Variants in CDH12 observed in about 807,000 individuals in gnomAD.
The protein encoded by CDH12 is cadherin 12.
CDH12 carries 41 observed loss-of-function variants against 74.1 expected under a neutral mutation model. That is an observed-to-expected ratio of 0.55 (90% CI 0.43 to 0.72). CDH12 has a LOEUF of 0.72. Among genes scored for constraint, CDH12 ranks in the 30% least tolerant of loss-of-function variants. CDH12 has a pLI of 0.00. For synonymous variants in CDH12, 399 were observed against 355.0 expected, an observed-to-expected ratio of 1.12 and a Z score of -1.39; for missense variants, 945 against 977.2, an observed-to-expected ratio of 0.97 and a Z score of 0.44.
intron 5 of CDH12, among the ~76,000 whole-genome samples, chr5:22,018,937 T>C (rs1229169645): frequency 6.6e-6 from 1 of 152,108 alleles, no homozygotes; most frequent in African/African-American, 2.4e-5. Context: ...CTAGGCATGA[T>C]GGCATGTGCC....
Position 21,833,560 on chromosome 5 carries a change from G to C in CDH12, c.814+8601C>G, listed in dbSNP as rs560448060. On this transcript the variant is annotated intron_variant, in intron 8 of 14. Transcript: ENST00000382254. Reference sequence around the variant, plus strand: ...ATATGTAATATATTATATAATCTATGGCATATATTATATGTAATATATACC... The same window carrying C: ...ATATGTAATATATTATATAATCTATCGCATATATTATATGTAATATATACC... 1.7e-4 allele frequency among the ~76,000 whole-genome samples: 22 copies of C among 125,930 alleles called. No homozygotes were observed. In the South Asian group the frequency reaches 5.3e-3, roughly 31 times the overall value. 82.6% of individuals were successfully genotyped at this position (125,930 alleles called of 152,430 possible). A position where few individuals can be genotyped will look rare whatever the true frequency, so the allele number is the denominator to read the frequency against.
At chr5:21,928,585 T>A (rs969149853) in intron 6 of CDH12, among the ~76,000 whole-genome samples, 62 of 152,228 alleles carry the variant, frequency 4.1e-4, no homozygotes, top group African/African-American at 1.5e-3. Flanking sequence ...TGTATGAGGA[T>A]TAGAGTTTAT....
At chr5:22,269,181 T>C (rs1273162300) in intron 3 of CDH12, among the ~76,000 whole-genome samples, 5 of 152,194 alleles carry the variant, frequency 3.3e-5, no homozygotes, top group African/African-American at 1.2e-4. Context: ...TGTTCAATAG[T>C]ATTTTGTTTT....
chr5:21,850,905 T>C (rs1372037787), intron 7 of CDH12, among the ~76,000 whole-genome samples: 1 of 151,418 alleles, frequency 6.6e-6, no homozygotes, highest in East Asian at 1.9e-4. Flanking sequence ...GACGTATTTT[T>C]CACAATGCAT....
chr5:22,440,167 T>C (rs890361061), intron 2 of CDH12, among the ~76,000 whole-genome samples: 1 of 152,072 alleles, frequency 6.6e-6, no homozygotes, highest in African/African-American at 2.4e-5. Flanking sequence ...TAGAGTAGTA[T>C]GCTATCAAAA....
In CDH12 at chr5:21,765,105, A is replaced by T; in HGVS notation, c.1394-6T>A. 1 of 1,545,736 alleles carries T rather than the reference A, an allele frequency of 6.5e-7. No homozygotes were observed. The highest frequency in any genetic ancestry group is 8.7e-7 in the Non-Finnish European group (1 of 1,148,876). ...GCTGGTCAATAAAGGGTTACCTGTT[A>T]AAAACATATAAAGATAAAAGATGAT... is the stretch of plus-strand genomic sequence containing the variant. On this transcript the variant is annotated splice_polypyrimidine_tract_variant and splice_region_variant and intron_variant, in intron 11 of 14. Transcript: ENST00000382254.
rs1554044173 is a variant in CDH12 at position 22,483,763 on chromosome 5, T to TAA, written c.-428+21505_-428+21506dup. On this transcript the variant is annotated intron_variant, in intron 2 of 14. Coordinates refer to ENST00000382254, the MANE Select transcript of CDH12 (RefSeq NM_004061.5). ...TCTTTCAAAACTATATATATATATA[T>TAA]AAATTTAATTAATTGGGCATGGTGG... Among the ~76,000 whole-genome samples, 6 of 91,840 alleles carry TAA rather than the reference T, an allele frequency of 6.5e-5. No homozygotes were observed. In the South Asian group the frequency reaches 1.2e-3, roughly 18 times the overall value. The allele number at this position is 91,840 out of a possible 152,430, so 60.3% of individuals were successfully genotyped here.
intron 14 of CDH12, among the ~76,000 whole-genome samples, chr5:21,754,620 G>C (rs964840950): frequency 1.1e-4 from 16 of 152,072 alleles, no homozygotes; most frequent in African/African-American, 3.4e-4. Context: ...CTCTCCACAA[G>C]CTACCATATA....
intron 1 of CDH12, among the ~76,000 whole-genome samples, chr5:22,730,815 TC>T (rs1311044820): frequency 2.0e-5 from 3 of 151,856 alleles, no homozygotes; most frequent in Non-Finnish European, 4.4e-5. Context: ...CATAATTTAT[TC>T]CTTTTATACA....
intron 3 of CDH12, among the ~76,000 whole-genome samples, chr5:22,266,649 T>C (rs2150397443): frequency 6.6e-6 from 1 of 152,284 alleles, no homozygotes; most frequent in South Asian, 2.1e-4. Flanking sequence ...TTATGTTATG[T>C]TAGAAATGAA....
intron 1 of CDH12, among the ~76,000 whole-genome samples, chr5:22,737,574 CA>C (rs768834369): frequency 9.2e-5 from 14 of 151,668 alleles, no homozygotes; most frequent in African/African-American, 3.1e-4. Context: ...AAATTACTAA[CA>C]AAAAATATAA....
intron 1 of CDH12, among the ~76,000 whole-genome samples, chr5:22,615,931 T>C (rs1048747241): frequency 6.6e-6 from 1 of 152,144 alleles, no homozygotes; most frequent in Non-Finnish European, 1.5e-5. Flanking sequence ...AATATTCCCA[T>C]GCTATCTAAC....
intron 5 of CDH12, among the ~76,000 whole-genome samples, chr5:22,061,391 T>C (rs1019190035): frequency 6.6e-6 from 1 of 152,144 alleles, no homozygotes; most frequent in African/African-American, 2.4e-5. Flanking sequence ...GTTTCTCTCA[T>C]ATATGAGCTA....
At chr5:21,823,399 A>G (rs1748478838) in intron 8 of CDH12, among the ~76,000 whole-genome samples, 1 of 152,018 alleles carries the variant, frequency 6.6e-6, no homozygotes, top group Non-Finnish European at 1.5e-5. Context: ...ATCATCTCTA[A>G]TGTCAGAAGC....
At chr5:22,781,681 C>T (rs1747391580) in intron 1 of CDH12, among the ~76,000 whole-genome samples, 1 of 152,134 alleles carries the variant, frequency 6.6e-6, no homozygotes, top group Non-Finnish European at 1.5e-5. Flanking sequence ...TCCAGAGTAA[C>T]TGAATCTATT....
At chr5:22,643,644 G>C (rs1739269012) in intron 1 of CDH12, among the ~76,000 whole-genome samples, 1 of 148,770 alleles carries the variant, frequency 6.7e-6, no homozygotes, top group South Asian at 2.2e-4. Context: ...AGCACATTAA[G>C]CAGTCTAAGA....
At chr5:22,437,838 T>C (rs1038284737) in intron 2 of CDH12, among the ~76,000 whole-genome samples, 26 of 152,050 alleles carry the variant, frequency 1.7e-4, no homozygotes, top group African/African-American at 6.3e-4. Context: ...TAGATAGATA[T>C]ACCTCAGATA....
chr5:21,801,772 A>G (rs1447386191), intron 10 of CDH12, among the ~76,000 whole-genome samples: 1 of 152,240 alleles, frequency 6.6e-6, no homozygotes, highest in Non-Finnish European at 1.5e-5. Flanking sequence ...CAGAAATTTT[A>G]GAGTAATTAT....
At chr5:21,915,982 AAAGT>A (rs1157361518) in intron 6 of CDH12, among the ~76,000 whole-genome samples, 6 of 152,126 alleles carry the variant, frequency 3.9e-5, no homozygotes, top group African/African-American at 1.4e-4. Flanking sequence ...TATAAACAAC[AAAGT>A]ATGTGTCATA....
Sources: gnomAD v4.1 joint callset for allele counts (sites outside exome capture counted in the v4.1 genomes callset) on GRCh38, gnomAD v4.1.1 for gene constraint, MANE v1.5 for transcripts, NCBI Gene and HGNC (gene_info 2026-07-23, HGNC 2026-07-21) for gene names.